Variants in PLXNA4 observed in about 807,000 individuals in gnomAD.
The protein encoded by PLXNA4 is plexin A4.
A neutral mutation model predicts 191.8 loss-of-function variants in PLXNA4; 44 were observed. The observed-to-expected ratio is 0.23, with a 90% CI of 0.18 to 0.29. PLXNA4 has a LOEUF of 0.29. PLXNA4 is among the 10% of genes least tolerant of loss of function. The pLI is 1.00. For missense variants in PLXNA4, 1,800 were observed against 2,488.8 expected (o/e 0.72, Z 5.89); for synonymous variants, 1,082 against 1,009.5 (o/e 1.07, Z -1.36).
At chr7:132,235,980 T>G (rs1361828853) in intron 5 of PLXNA4, among the ~76,000 whole-genome samples, 1 of 152,160 alleles carries the variant, frequency 6.6e-6, no homozygotes, top group East Asian at 1.9e-4. Flanking sequence ...GCTGAAGCTG[T>G]CATTGCCATC....
rs368940551 is a variant in PLXNA4, at chr7:132,211,003, G to A, written c.2238C>T (p.Ser746=). 56 of 1,613,916 alleles carry A rather than the reference G, an allele frequency of 3.5e-5. No individual in the cohort carries two copies. The highest frequency in any genetic ancestry group is 5.3e-5 in the African/African-American group (4 of 75,034). Residue 746 remains serine (S), a synonymous_variant, in exon 10 of 32, where the codon AGC becomes AGT. Transcript: ENST00000321063. ...GYECILNIQG[S]EQRVPALRFN... Reference sequence around the variant, plus strand: ...AGCGCAGGGCGGGCACTCGCTGCTCGCTGCCCTGAATGTTGAGGATGCATT... The same window carrying A: ...AGCGCAGGGCGGGCACTCGCTGCTCACTGCCCTGAATGTTGAGGATGCATT...
chr7:132,148,514 A>G (rs753908403), intron 26 of PLXNA4, 29 bp downstream of exon 26: 1 of 1,613,332 alleles, frequency 6.2e-7, no homozygotes, highest in East Asian at 2.2e-5. Flanking sequence ...GTAGTTGGCT[A>G]GCTCCTCCCC....
chr7:132,332,933 A>G (rs1802652065), intron 3 of PLXNA4, among the ~76,000 whole-genome samples: 1 of 151,704 alleles, frequency 6.6e-6, no homozygotes, highest in African/African-American at 2.4e-5. Flanking sequence ...CCACTTATCT[A>G]TGACATGAAT....
chr7:132,647,623 A>C (rs1213370367), intron 1 of PLXNA4, among the ~76,000 whole-genome samples: 1 of 152,044 alleles, frequency 6.6e-6, no homozygotes. Context: ...ACAAACACCC[A>C]CATGCTATCA....
At chr7:132,544,027 T>A (rs1431756453) in intron 1 of PLXNA4, among the ~76,000 whole-genome samples, 1 of 152,150 alleles carries the variant, frequency 6.6e-6, no homozygotes, top group South Asian at 2.1e-4. Flanking sequence ...GAAAACCAGA[T>A]GAAGGACAGA....
intron 3 of PLXNA4, among the ~76,000 whole-genome samples, chr7:132,389,727 C>T (rs924170996): frequency 6.6e-6 from 1 of 152,194 alleles, no homozygotes; most frequent in African/African-American, 2.4e-5. Context: ...GTTCTTTCTG[C>T]TTAGGATTGT....
intron 3 of PLXNA4, among the ~76,000 whole-genome samples, chr7:132,359,015 C>T (rs143748820): frequency 1.5e-3 from 223 of 152,280 alleles, no homozygotes; most frequent in African/African-American, 5.0e-3. Flanking sequence ...ACCACCTGGG[C>T]TCTAGACCCA....
At chr7:132,157,313 T>C (rs979884263) in intron 25 of PLXNA4, among the ~76,000 whole-genome samples, 1 of 152,034 alleles carries the variant, frequency 6.6e-6, no homozygotes, top group Non-Finnish European at 1.5e-5. Flanking sequence ...TCATGGCGGG[T>C]GGCAGGAGCG....
intron 3 of PLXNA4, among the ~76,000 whole-genome samples, chr7:132,486,864 G>C (rs990442486): frequency 6.6e-6 from 1 of 152,166 alleles, no homozygotes; most frequent in African/African-American, 2.4e-5. Context: ...CCTGCCTCAG[G>C]AGGGTTGTCT....
chr7:132,261,546 G>T (rs1799646100), intron 4 of PLXNA4, among the ~76,000 whole-genome samples: 1 of 152,198 alleles, frequency 6.6e-6, no homozygotes, highest in Non-Finnish European at 1.5e-5. Flanking sequence ...AATGATGCTA[G>T]GCTGGACAAG....
chr7:132,132,457 GTT>G (rs1563048272), intron 31 of PLXNA4, among the ~76,000 whole-genome samples: 607 of 46,730 alleles, frequency 0.013, 8 homozygotes, highest in Middle Eastern at 0.018. Flanking sequence ...GTTCTGTTCT[GTT>G]CTGTTCTGCT....
At position 132,305,052 on chromosome 7, in the gene PLXNA4, G is replaced by T. The variant is rs147877858; in HGVS notation, c.1372-6830C>A. Among the ~76,000 whole-genome samples, 5 of 152,300 alleles carry T rather than the reference G, an allele frequency of 3.3e-5. No homozygotes were observed. In the East Asian group the frequency reaches 9.7e-4, roughly 30 times the overall value. The stretch of plus-strand genomic sequence containing the variant: ...AGCAGGACCCCTGGTACCCCTGCTC[G>T]TGGGAGGGGACCAACCAGTCAGCCA... On this transcript the variant is annotated intron_variant, in intron 3 of 31. Coordinates refer to ENST00000321063, the MANE Select transcript of PLXNA4 (RefSeq NM_020911.2).
chr7:132,192,167 C>T (rs1797112651), intron 14 of PLXNA4, among the ~76,000 whole-genome samples: 1 of 152,184 alleles, frequency 6.6e-6, no homozygotes, highest in African/African-American at 2.4e-5. Flanking sequence ...AGGTTTGGCC[C>T]TGACCATGTT....
At chr7:132,251,045 T>G (rs1056524354) in intron 4 of PLXNA4, among the ~76,000 whole-genome samples, 3 of 126,500 alleles carry the variant, frequency 2.4e-5, no homozygotes, top group Non-Finnish European at 4.7e-5. Context: ...CTGCTCCTGT[T>G]CCAGCCTTTT....
At chr7:132,539,864 G>A (rs978985549) in intron 1 of PLXNA4, among the ~76,000 whole-genome samples, 3 of 152,186 alleles carry the variant, frequency 2.0e-5, no homozygotes, top group African/African-American at 7.2e-5. Context: ...GAAAGGAATC[G>A]TTCAAGGTCA....
At chr7:132,445,972 G>T (rs1227096307) in intron 3 of PLXNA4, among the ~76,000 whole-genome samples, 1 of 152,168 alleles carries the variant, frequency 6.6e-6, no homozygotes, top group Non-Finnish European at 1.5e-5. Context: ...TGCCCTGAAA[G>T]TTGAGCTGAT....
At chr7:132,239,338 C>CTGTTCACA (rs1164957641) in intron 5 of PLXNA4, among the ~76,000 whole-genome samples, 2 of 152,230 alleles carry the variant, frequency 1.3e-5, no homozygotes, top group Non-Finnish European at 2.9e-5. Context: ...TGGAGCCCCT[C>CTGTTCACA]TGTTCACAGG....
Position 132,576,425 on chromosome 7 carries a change from G to T in PLXNA4, c.-90C>A. The T allele has an allele frequency of 1.0e-6, 1 of 985,864 alleles. No homozygotes were observed. Among genetic ancestry groups the T allele is most frequent in the South Asian group, 4.7e-5 (1 of 21,272 alleles). 61.1% of individuals were successfully genotyped at this position (985,864 alleles called of 1,614,324 possible). On this transcript the variant is annotated 5_prime_UTR_variant, in exon 1 of 32. Coordinates refer to ENST00000321063, the MANE Select transcript of PLXNA4 (RefSeq NM_020911.2). This position sits in a 1 kb window ranked among gnomAD's most constrained non-coding sequence, Gnocchi z 5.8. Reference sequence around the variant, plus strand: ...CCCCGGCGGGCCGGCTCCTTACCTGGACGCGCCGCGTTTCCCTCCTTCAGC... The same window carrying T: ...CCCCGGCGGGCCGGCTCCTTACCTGTACGCGCCGCGTTTCCCTCCTTCAGC...
chr7:132,545,015 T>C (rs1800236021), intron 1 of PLXNA4, among the ~76,000 whole-genome samples: 1 of 152,194 alleles, frequency 6.6e-6, no homozygotes, highest in Non-Finnish European at 1.5e-5. Flanking sequence ...TGCTTTTCAT[T>C]TTCTTATTGT....
Sources: allele counts gnomAD v4.1 joint callset (sites outside exome capture counted in the v4.1 genomes callset), GRCh38; gene constraint gnomAD v4.1.1; non-coding constraint Gnocchi (gnomAD v3.1); transcripts MANE v1.5; gene names NCBI Gene and HGNC (gene_info 2026-07-23, HGNC 2026-07-21).